The following TTC28 variants were observed in gnomAD, a reference collection of about 807,000 sequenced individuals.
TTC28 encodes the protein tetratricopeptide repeat protein 28.
TTC28 carries 61 observed loss-of-function variants against 198.0 expected under a neutral mutation model. The observed-to-expected ratio is 0.31, with a 90% CI of 0.25 to 0.38. TTC28 has a LOEUF of 0.38. Ranked by LOEUF, TTC28 falls within the 10% of genes least tolerant of loss-of-function variation. TTC28 has a pLI of 1.00. For missense variants in TTC28, 2,678 were observed against 3,164.0 expected (o/e 0.85, Z 3.69); for synonymous variants, 1,171 against 1,297.8 (o/e 0.90, Z 2.10).
At chr22:28,466,374 G>A (rs561981314) in intron 2 of TTC28, among the ~76,000 whole-genome samples, 16 of 152,310 alleles carry the variant, frequency 1.1e-4, no homozygotes, top group Non-Finnish European at 2.2e-4. Flanking sequence ...AAACAATGCT[G>A]AGTTGATGCT....
At chr22:28,429,813 C>T (rs1035478603) in intron 2 of TTC28, among the ~76,000 whole-genome samples, 1 of 152,150 alleles carries the variant, frequency 6.6e-6, no homozygotes, top group Non-Finnish European at 1.5e-5. Context: ...TTTTAAGCCA[C>T]AGCAATTACC....
At chr22:28,303,314 T>C (rs55846737) in intron 3 of TTC28, among the ~76,000 whole-genome samples, 1 of 152,080 alleles carries the variant, frequency 6.6e-6, no homozygotes, top group South Asian at 2.1e-4. Context: ...AAAAAAGAAA[T>C]AGAATATGGC....
At position 28,510,914 on chromosome 22, in the gene TTC28, A is replaced by G. The variant is rs770404547; in HGVS notation, c.381+118638T>C. ...ATGAACCCCCATTCACAACTGCTACAAAGAGAATAAAATACCTAGGAATAC... is the reference window on the plus strand; with the variant it reads ...ATGAACCCCCATTCACAACTGCTACGAAGAGAATAAAATACCTAGGAATAC... On this transcript the variant is annotated intron_variant, in intron 2 of 22. Coordinates refer to ENST00000397906, the MANE Select transcript of TTC28 (RefSeq NM_001145418.2). Among the ~76,000 whole-genome samples, 28 of 152,140 alleles carry G rather than the reference A, an allele frequency of 1.8e-4. 1 individual carries two copies. The highest frequency in any genetic ancestry group is 5.9e-5 in the Non-Finnish European group (4 of 68,022).
At position 28,111,325 on chromosome 22, in the gene TTC28, G is replaced by A. The variant is rs555125754; in HGVS notation, c.1442-2922C>T. 8.5e-5 allele frequency among the ~76,000 whole-genome samples: 13 copies of A among 152,174 alleles called. No homozygotes were observed. In the East Asian group the frequency reaches 1.2e-3, roughly 14 times the overall value. On this transcript the variant is annotated intron_variant, in intron 6 of 22. Transcript: ENST00000397906. Reference sequence around the variant, plus strand: ...TTGCTGGAAGGATCAGGGTTTTTCCGAATCTGTCTCAAGGTGAGAAAATCT... The same window carrying A: ...TTGCTGGAAGGATCAGGGTTTTTCCAAATCTGTCTCAAGGTGAGAAAATCT...
At chr22:28,374,977 A>G (rs1191377826) in intron 2 of TTC28, among the ~76,000 whole-genome samples, 1 of 151,586 alleles carries the variant, frequency 6.6e-6, no homozygotes, top group Non-Finnish European at 1.5e-5. Context: ...AATCTAAGCA[A>G]CTCGGCAGGC....
intron 5 of TTC28, among the ~76,000 whole-genome samples, chr22:28,187,503 C>T (rs761213630): frequency 1.3e-5 from 2 of 152,176 alleles, no homozygotes; most frequent in Non-Finnish European, 2.9e-5. Context: ...ACACACTATA[C>T]ACAACACTAT....
intron 2 of TTC28, among the ~76,000 whole-genome samples, chr22:28,612,907 G>A (rs749445359): frequency 5.9e-5 from 9 of 152,032 alleles, no homozygotes; most frequent in Non-Finnish European, 7.4e-5. Context: ...ACACTCTAAC[G>A]TCACAATTAA....
chr22:28,288,010 AAAAC>A (rs1409912563), intron 5 of TTC28, among the ~76,000 whole-genome samples: 3 of 152,202 alleles, frequency 2.0e-5, no homozygotes, highest in Non-Finnish European at 2.9e-5. Flanking sequence ...ACTTCACACT[AAAAC>A]AAACACTGAT....
At chr22:28,377,975 C>G (rs1271584568) in intron 2 of TTC28, among the ~76,000 whole-genome samples, 1 of 151,966 alleles carries the variant, frequency 6.6e-6, no homozygotes, top group East Asian at 1.9e-4. Context: ...AAAACACGAG[C>G]ATGCTAAGGA....
In TTC28 at chr22:27,982,669, C is replaced by G. The variant is rs1460172382; in HGVS notation, c.6998G>C (p.Arg2333Pro). The change falls in exon 23 of 23, where the codon CGC (arginine) becomes CCC (proline). Residue 2333 changes from arginine to proline, a missense_variant. Around this residue, in one of 8 missense-constraint regions of TTC28, gnomAD observed 622 missense variants for 656.0 expected, o/e 0.95. Transcript: ENST00000397906. The surrounding 1 kb of genome is among the most constrained non-coding windows in gnomAD (Gnocchi z 5.2). ...GTCGGGAGCGTCTGCTGGACTTGAG[C>G]GAGCAGATCCAGCTGAGGAGTAGGA... ...ALSYSSAGSARSSPADAPDID... is the reference protein window; with the variant it reads ...ALSYSSAGSAPSSPADAPDID... 1 of 1,551,500 alleles carries G rather than the reference C, an allele frequency of 6.4e-7. No individual in the cohort carries two copies. Among genetic ancestry groups the G allele is most frequent in the Admixed American group, 2.0e-5 (1 of 50,974 alleles).
rs932399827 is a variant in TTC28, at chr22:28,408,721, A to G, written c.382-102078T>C. 1.4e-4 allele frequency among the ~76,000 whole-genome samples: 21 copies of G among 152,220 alleles called. 1 individual carries two copies. Among genetic ancestry groups the G allele is most frequent in the Non-Finnish European group, 2.9e-5 (2 of 68,032 alleles). On this transcript the variant is annotated intron_variant, in intron 2 of 22. Transcript: ENST00000397906. ...ACATTTTAAAACTCAATCTTAAGCC[A>G]GTGCTTTTCTACAGATGACTTACAA...
intron 2 of TTC28, among the ~76,000 whole-genome samples, chr22:28,414,854 C>T (rs967617763): frequency 6.6e-6 from 1 of 152,106 alleles, no homozygotes; most frequent in Non-Finnish European, 1.5e-5. Context: ...AACTATCATC[C>T]TTTGAAATAA....
chr22:28,561,578 T>C (rs1474345917), intron 2 of TTC28, among the ~76,000 whole-genome samples: 1 of 152,204 alleles, frequency 6.6e-6, no homozygotes, highest in Non-Finnish European at 1.5e-5. Context: ...AGATATAATG[T>C]CATTCCCCTG....
At position 28,107,461 on chromosome 22, in the gene TTC28, CT is replaced by C; in HGVS notation, c.2383del (p.Arg795GlufsTer29). Reference sequence around the variant, plus strand: ...GACAGCAGCCAGGTGCCCATGAGCTCTGCACTCCCCTGGCAAGTCACTCAGC... The same window carrying C: ...GACAGCAGCCAGGTGCCCATGAGCTCGCACTCCCCTGGCAAGTCACTCAGC... ...QELSDLPGEC[R>X]AHGHLAAVYM... On this transcript the variant is annotated frameshift_variant, in exon 7 of 23. Transcript: ENST00000397906. LOFTEE classifies it high-confidence loss of function. 6.4e-7 allele frequency: 1 copy of C among 1,551,714 alleles called. No individual in the cohort carries two copies. Among genetic ancestry groups the C allele is most frequent in the Non-Finnish European group, 8.7e-7 (1 of 1,146,998 alleles).
intron 5 of TTC28, among the ~76,000 whole-genome samples, chr22:28,190,299 T>C (rs2147124540): frequency 6.6e-6 from 1 of 152,340 alleles, no homozygotes; most frequent in Non-Finnish European, 1.5e-5. Flanking sequence ...CGACAGATAA[T>C]ATTTTCATCC....
chr22:28,630,451 C>T (rs542973470), intron 1 of TTC28, among the ~76,000 whole-genome samples: 1 of 152,228 alleles, frequency 6.6e-6, no homozygotes, highest in South Asian at 2.1e-4. Context: ...GCACATGCCA[C>T]GGCATGCAGC....
At position 27,983,216 on chromosome 22, in the gene TTC28, C is replaced by T; in HGVS notation, c.6451G>A (p.Glu2151Lys). Residue 2151 changes from glutamate to lysine, a missense_variant, in exon 23 of 23, where the codon GAA (glutamate) becomes AAA (lysine). Physicochemically the swap from Glu to Lys is moderately conservative, Grantham distance 56 (BLOSUM62 1). This residue lies in a region of TTC28 where 622 missense variants were observed against 656.0 expected (regional missense o/e 0.95). Transcript: ENST00000397906. Reference protein sequence around the residue: ...TETDSTVKSQEESNPKLDPQE... With the variant: ...TETDSTVKSQKESNPKLDPQE... ...GGATCCAGTTTTGGGTTGCTTTCTT[C>T]TTGGGATTTCACGGTACTGTCCGTT... 2.6e-6 allele frequency: 4 copies of T among 1,551,818 alleles called. No individual in the cohort carries two copies. Among genetic ancestry groups the T allele is most frequent in the Middle Eastern group, 1.7e-4 (1 of 5,992 alleles).
chr22:28,219,995 T>A (rs1373089083), intron 5 of TTC28, among the ~76,000 whole-genome samples: 1 of 152,202 alleles, frequency 6.6e-6, no homozygotes, highest in Non-Finnish European at 1.5e-5. Context: ...CTCAACAGAG[T>A]CTCTGTGATT....
rs61622821 is a variant in TTC28 at position 28,407,472 on chromosome 22, GCACACACA to G, written c.382-100837_382-100830del. ...TACACATATACACACACATGCGTGCGCACACACACACACACACACACACAGTAATGCCT... is the reference window on the plus strand; with the variant it reads ...TACACATATACACACACATGCGTGCGCACACACACACACACAGTAATGCCT... On this transcript the variant is annotated intron_variant, in intron 2 of 22. Coordinates refer to ENST00000397906, the MANE Select transcript of TTC28 (RefSeq NM_001145418.2). Among the ~76,000 whole-genome samples the G allele has an allele frequency of 9.2e-3, 1,368 of 148,748 alleles. 12 individuals carry two copies. The highest frequency in any genetic ancestry group is 0.014 in the Non-Finnish European group (924 of 66,828).
Sources: gnomAD v4.1 joint callset for allele counts (sites outside exome capture counted in the v4.1 genomes callset) on GRCh38, gnomAD v4.1.1 for gene constraint, gnomAD v4.1.1 regional missense constraint, Gnocchi (gnomAD v3.1) non-coding constraint, MANE v1.5 for transcripts, NCBI Gene and HGNC (gene_info 2026-07-23, HGNC 2026-07-21) for gene names.